The following SLC9A9 variants were observed in gnomAD, a reference collection of about 807,000 sequenced individuals.
The protein encoded by SLC9A9 is solute carrier family 9 member A9, also known as sodium/hydrogen exchanger 9.
In SLC9A9, 62 loss-of-function variants were observed where a neutral mutation model predicts 77.8. The ratio of observed to expected loss-of-function variants is 0.80; its 90% CI spans 0.65 to 0.98. The LOEUF is 0.98. SLC9A9 is among the 50% of genes least tolerant of loss of function. The pLI is 0.00. For missense variants in SLC9A9, 775 were observed against 774.9 expected, an observed-to-expected ratio of 1.00 and a Z score of 0.00; for synonymous variants, 320 against 283.5, an observed-to-expected ratio of 1.13 and a Z score of -1.29.
At chr3:143,310,580 G>A (rs754780067) in intron 14 of SLC9A9, among the ~76,000 whole-genome samples, 3 of 149,908 alleles carry the variant, frequency 2.0e-5, no homozygotes, top group Non-Finnish European at 4.4e-5. Context: ...ACGAATTTTA[G>A]AAATGGAGAC....
At chr3:143,718,354 G>T (rs1934407664) in intron 4 of SLC9A9, among the ~76,000 whole-genome samples, 1 of 152,094 alleles carries the variant, frequency 6.6e-6, no homozygotes. Context: ...AGAAACTCAG[G>T]GGAAAATGTT....
At chr3:143,775,235 TTGA>T (rs1287012422) in intron 4 of SLC9A9, among the ~76,000 whole-genome samples, 2 of 152,212 alleles carry the variant, frequency 1.3e-5, no homozygotes, top group African/African-American at 2.4e-5. Flanking sequence ...GAAATCAGAA[TTGA>T]TGAGATTAAA....
chr3:143,374,356 C>T (rs1309382231), intron 13 of SLC9A9, among the ~76,000 whole-genome samples: 2 of 133,382 alleles, frequency 1.5e-5, no homozygotes, highest in Non-Finnish European at 1.5e-5. Context: ...ACCCGGGAGG[C>T]GGAGCTTGCA....
chr3:143,602,936 G>A (rs760852656), intron 6 of SLC9A9, among the ~76,000 whole-genome samples: 9 of 152,202 alleles, frequency 5.9e-5, no homozygotes, highest in Admixed American at 3.3e-4. Flanking sequence ...GCATAATGGC[G>A]CTTTAAAGCC....
intron 9 of SLC9A9, among the ~76,000 whole-genome samples, chr3:143,544,383 C>T (rs2036747367): frequency 2.0e-5 from 3 of 152,026 alleles, no homozygotes; most frequent in Non-Finnish European, 2.9e-5. Context: ...CCTGCCACCA[C>T]GCTCGGCTAA....
intron 6 of SLC9A9, chr3:143,627,522 C>T: frequency 3.4e-6 from 1 of 290,910 alleles, no homozygotes; most frequent in Middle Eastern, 5.2e-4. Flanking sequence ...ATGCCACATG[C>T]AGAGGCGGTG....
chr3:143,813,294 T>C (rs2008918005), intron 2 of SLC9A9, among the ~76,000 whole-genome samples: 1 of 152,036 alleles, frequency 6.6e-6, no homozygotes, highest in Non-Finnish European at 1.5e-5. Context: ...TTATCCTCGG[T>C]CCAAGGATGA....
intron 4 of SLC9A9, among the ~76,000 whole-genome samples, chr3:143,715,773 C>T (rs933734505): frequency 3.9e-5 from 6 of 152,162 alleles, no homozygotes; most frequent in Non-Finnish European, 5.9e-5. Context: ...GCCAAGGGCT[C>T]CCACACCGCA....
intron 4 of SLC9A9, among the ~76,000 whole-genome samples, chr3:143,765,153 C>T (rs1480589596): frequency 7.0e-6 from 1 of 143,658 alleles, no homozygotes; most frequent in Non-Finnish European, 1.5e-5. Context: ...TTCTTTCTCT[C>T]TTTCTTTCTT....
At chr3:143,326,035 G>A (rs2031592842) in intron 14 of SLC9A9, among the ~76,000 whole-genome samples, 1 of 152,128 alleles carries the variant, frequency 6.6e-6, no homozygotes. Flanking sequence ...AAAACTTTAT[G>A]TATTCATTTG....
intron 6 of SLC9A9, chr3:143,627,641 T>C (rs890725120): frequency 8.4e-6 from 2 of 237,304 alleles, no homozygotes; most frequent in Non-Finnish European, 1.7e-5. Context: ...AGGACTGTGC[T>C]GTACAGGTTA....
chr3:143,545,591 T>C (rs1414864934), intron 9 of SLC9A9, among the ~76,000 whole-genome samples: 2 of 152,224 alleles, frequency 1.3e-5, no homozygotes, highest in Non-Finnish European at 2.9e-5. Context: ...TATCCTGAGA[T>C]GCTGAGTTGT....
intron 4 of SLC9A9, among the ~76,000 whole-genome samples, chr3:143,696,886 T>A (rs1008721836): frequency 4.6e-5 from 7 of 152,210 alleles, no homozygotes; most frequent in African/African-American, 1.7e-4. Context: ...AAAGTTTTTA[T>A]GGAAAACAAT....
At chr3:143,498,478 C>A (rs1444981879) in intron 9 of SLC9A9, among the ~76,000 whole-genome samples, 1 of 151,382 alleles carries the variant, frequency 6.6e-6, no homozygotes, top group Non-Finnish European at 1.5e-5. Flanking sequence ...AACTTGAACC[C>A]AGGAGGTGGA....
chr3:143,776,684 A>G (rs2108843880), intron 4 of SLC9A9, among the ~76,000 whole-genome samples: 1 of 152,326 alleles, frequency 6.6e-6, no homozygotes, highest in East Asian at 1.9e-4. Flanking sequence ...CTCAAATATG[A>G]TTAGATATTA....
intron 4 of SLC9A9, among the ~76,000 whole-genome samples, chr3:143,789,141 T>TAG (rs1297875193): frequency 6.6e-6 from 1 of 152,190 alleles, no homozygotes. Context: ...GGAACACAGA[T>TAG]AGGTACATAA....
chr3:143,739,072 G>A (rs930060153), intron 4 of SLC9A9, among the ~76,000 whole-genome samples: 1 of 152,048 alleles, frequency 6.6e-6, no homozygotes, highest in Admixed American at 6.6e-5. Flanking sequence ...CCTCTCCTGG[G>A]GTTGAGTGGT....
intron 6 of SLC9A9, among the ~76,000 whole-genome samples, chr3:143,610,631 C>T (rs1195887440): frequency 1.3e-5 from 2 of 152,128 alleles, no homozygotes; most frequent in African/African-American, 2.4e-5. Context: ...ATGGAGGGAG[C>T]AGGAGTGGGA....
At chr3:143,701,192 C>G (rs1413317546) in intron 4 of SLC9A9, among the ~76,000 whole-genome samples, 2 of 152,164 alleles carry the variant, frequency 1.3e-5, no homozygotes, top group Non-Finnish European at 1.5e-5. Flanking sequence ...TGGGTACTAT[C>G]AAGTCCAGGC....
Sources: allele counts gnomAD v4.1 joint callset (sites outside exome capture counted in the v4.1 genomes callset), GRCh38; gene constraint gnomAD v4.1.1; transcripts MANE v1.5; gene names NCBI Gene and HGNC (gene_info 2026-07-23, HGNC 2026-07-21).